HIP1: variants seen among roughly 807,000 people sequenced by gnomAD.
The protein encoded by HIP1 is huntingtin-interacting protein 1.
In HIP1, 65 loss-of-function variants were observed where a neutral mutation model predicts 147.6. That is an observed-to-expected ratio of 0.44 (90% CI 0.36 to 0.54). The LOEUF is 0.54. Ranked by LOEUF, HIP1 falls within the 20% of genes least tolerant of loss-of-function variation. HIP1 has a pLI of 0.00. For missense variants in HIP1, 1,061 were observed against 1,299.6 expected (o/e 0.82, Z 2.82); for synonymous variants, 479 against 504.0 (o/e 0.95, Z 0.67).
chr7:75,674,257 C>T (rs1363895217), intron 1 of HIP1, among the ~76,000 whole-genome samples: 1 of 152,160 alleles, frequency 6.6e-6, no homozygotes, highest in Non-Finnish European at 1.5e-5. Flanking sequence ...GTGGTAAGAG[C>T]AGACATCCTT....
At chr7:75,695,955 C>G (rs1268444259) in intron 1 of HIP1, among the ~76,000 whole-genome samples, 1 of 151,758 alleles carries the variant, frequency 6.6e-6, no homozygotes, top group Non-Finnish European at 1.5e-5. Context: ...CAGTTCAAGT[C>G]TCTCTTGGCA....
At chr7:75,688,327 C>T (rs1306039580) in intron 1 of HIP1, among the ~76,000 whole-genome samples, 47 of 152,132 alleles carry the variant, frequency 3.1e-4, no homozygotes, top group African/African-American at 1.0e-3. Flanking sequence ...TCACCACACA[C>T]GCAGAAGTCC....
At chr7:75,615,956 C>G (rs587666783) in intron 1 of HIP1, among the ~76,000 whole-genome samples, 2 of 150,522 alleles carry the variant, frequency 1.3e-5, no homozygotes, top group South Asian at 2.1e-4. Context: ...TGTGATGGTG[C>G]GCACCTGTAG....
In HIP1 at chr7:75,620,247, G is replaced by A. The variant is rs587728025; in HGVS notation, c.121-21000C>T. On this transcript the variant is annotated intron_variant, in intron 1 of 30. Coordinates refer to ENST00000336926, the MANE Select transcript of HIP1 (RefSeq NM_005338.7). ...CAAAAATACAAGAAATTATCCAGGCGTGGTGGTGCATGCTTATAGTTCCAG... is the reference window on the plus strand; with the variant it reads ...CAAAAATACAAGAAATTATCCAGGCATGGTGGTGCATGCTTATAGTTCCAG... 1.5e-3 allele frequency among the ~76,000 whole-genome samples: 232 copies of A among 152,102 alleles called. 4 individuals are homozygous for A. Among genetic ancestry groups the A allele is most frequent in the African/African-American group, 5.4e-3 (224 of 41,486 alleles).
At position 75,559,849 on chromosome 7, in the gene HIP1, G is replaced by A; in HGVS notation, c.1258C>T (p.Gln420Ter). 1 of 1,612,670 alleles carries A rather than the reference G, an allele frequency of 6.2e-7. No individual in the cohort carries two copies. Among genetic ancestry groups the A allele is most frequent in the Non-Finnish European group, 8.5e-7 (1 of 1,179,890 alleles). ...SELEADLAEQ[Q>*]HLRQQAADDC... ...TCGGCCGCCTGCTGCCGCAGGTGCTGCTGCTCGGCCAGATCTGCTTCCAGC... is the reference window on the plus strand; with the variant it reads ...TCGGCCGCCTGCTGCCGCAGGTGCTACTGCTCGGCCAGATCTGCTTCCAGC... The change falls in exon 14 of 31, where the codon CAG becomes TAG. Residue 420 changes from glutamine (Q) to a stop codon, truncating the protein, a stop_gained. Transcript: ENST00000336926. LOFTEE classifies it high-confidence loss of function.
intron 1 of HIP1, among the ~76,000 whole-genome samples, chr7:75,671,774 T>TGTC: frequency 6.6e-6 from 1 of 151,604 alleles, no homozygotes; most frequent in South Asian, 2.1e-4. Context: ...AGTCTCGCTC[T>TGTC]ACCAGGCTGG....
At chr7:75,703,663 T>C (rs1256293174) in intron 1 of HIP1, among the ~76,000 whole-genome samples, 5 of 150,178 alleles carry the variant, frequency 3.3e-5, no homozygotes, top group African/African-American at 9.8e-5. Flanking sequence ...GCCAAATATA[T>C]AGATGAGCTT....
chr7:75,634,941 G>GAAAAAAAA (rs58461422), intron 1 of HIP1, among the ~76,000 whole-genome samples: 1 of 62,580 alleles, frequency 1.6e-5, no homozygotes, highest in Non-Finnish European at 2.9e-5. Flanking sequence ...CACTATCTCT[G>GAAAAAAAA]AAAAAAAAAA....
chr7:75,614,443 T>C (rs782003687), intron 1 of HIP1, among the ~76,000 whole-genome samples: 3 of 152,074 alleles, frequency 2.0e-5, no homozygotes, highest in African/African-American at 4.8e-5. Flanking sequence ...CAAAACATGC[T>C]ACATGAAAGA....
intron 1 of HIP1, among the ~76,000 whole-genome samples, chr7:75,676,415 C>A (rs1799889672): frequency 6.6e-6 from 1 of 152,184 alleles, no homozygotes; most frequent in Non-Finnish European, 1.5e-5. Flanking sequence ...TGAAGTCCTT[C>A]CTGGGCACAC....
chr7:75,587,342 A>G (rs1466872622), intron 4 of HIP1, among the ~76,000 whole-genome samples: 1 of 152,076 alleles, frequency 6.6e-6, no homozygotes, highest in Non-Finnish European at 1.5e-5. Flanking sequence ...TCTGCCTCCC[A>G]AAGTGCTGGG....
At chr7:75,601,524 A>G (rs1252288125) in intron 1 of HIP1, among the ~76,000 whole-genome samples, 1 of 151,866 alleles carries the variant, frequency 6.6e-6, no homozygotes, top group Non-Finnish European at 1.5e-5. Context: ...TGAACCTGGG[A>G]GGCAGAGGTT....
At chr7:75,605,602 G>A (rs1439139611) in intron 1 of HIP1, among the ~76,000 whole-genome samples, 2 of 151,930 alleles carry the variant, frequency 1.3e-5, no homozygotes, top group Non-Finnish European at 2.9e-5. Flanking sequence ...GCGCAATCTT[G>A]GCTCACTGCA....
chr7:75,544,450 T>C (rs371781739), intron 27 of HIP1, among the ~76,000 whole-genome samples: 1 of 150,982 alleles, frequency 6.6e-6, no homozygotes, highest in Admixed American at 6.6e-5. Context: ...TAGCCAAGTA[T>C]TCTCTAATCC....
At chr7:75,548,332 C>G (rs1794654809) in intron 23 of HIP1, among the ~76,000 whole-genome samples, 1 of 151,592 alleles carries the variant, frequency 6.6e-6, no homozygotes, top group African/African-American at 2.4e-5. Flanking sequence ...TGGCCAGAAC[C>G]CAGGATGTTC....
At chr7:75,720,413 G>A (rs946742705) in intron 1 of HIP1, among the ~76,000 whole-genome samples, 7 of 152,046 alleles carry the variant, frequency 4.6e-5, no homozygotes, top group Admixed American at 3.3e-4. Flanking sequence ...TGCCCGCGTT[G>A]GCCTCCCAAA....
intron 1 of HIP1, among the ~76,000 whole-genome samples, chr7:75,681,933 C>T (rs1554516906): frequency 6.6e-6 from 1 of 151,872 alleles, no homozygotes; most frequent in African/African-American, 2.4e-5. Context: ...TGGCACCTTC[C>T]CTGCTCATGG....
At chr7:75,616,795 G>C (rs138798485) in intron 1 of HIP1, among the ~76,000 whole-genome samples, 2 of 152,324 alleles carry the variant, frequency 1.3e-5, no homozygotes, top group East Asian at 3.9e-4. Flanking sequence ...TTGGGGTAAG[G>C]CATGCTGGTG....
At chr7:75,599,349 CA>C in intron 1 of HIP1, 102 bp from the exon 2 acceptor site, 1 of 877,578 alleles carries the variant, frequency 1.1e-6, no homozygotes, top group Non-Finnish European at 1.9e-6. Flanking sequence ...CTCCTCCAGC[CA>C]ACCTCCCCCA....
Sources: allele counts gnomAD v4.1 joint callset (sites outside exome capture counted in the v4.1 genomes callset), GRCh38; gene constraint gnomAD v4.1.1; transcripts MANE v1.5; gene names NCBI Gene and HGNC (gene_info 2026-07-23, HGNC 2026-07-21).